Variants in PCDHA7 observed in about 807,000 individuals in gnomAD.
PCDHA7 encodes protocadherin alpha-7.
In PCDHA7, 37 loss-of-function variants were observed where a neutral mutation model predicts 57.2. The ratio of observed to expected loss-of-function variants is 0.65; its 90% CI spans 0.50 to 0.85. The LOEUF (loss-of-function observed/expected upper bound fraction) is 0.85. Ranked by LOEUF, PCDHA7 falls within the 40% of genes least tolerant of loss-of-function variation. The pLI, the probability that PCDHA7 is intolerant of heterozygous loss-of-function variation, is 0.00. For synonymous variants in PCDHA7, 553 were observed against 558.8 expected, an observed-to-expected ratio of 0.99 and a Z score of 0.15; for missense variants, 1,188 against 1,241.8, an observed-to-expected ratio of 0.96 and a Z score of 0.65.
In PCDHA7 at chr5:140,836,412, A is replaced by C; in HGVS notation, c.2029A>C (p.Lys677Gln). 2 of 1,613,792 alleles carry C rather than the reference A, an allele frequency of 1.2e-6. No homozygotes were observed. Among genetic ancestry groups the C allele is most frequent in the Non-Finnish European group, 8.5e-7 (1 of 1,179,850 alleles). Residue 677 changes from lysine (K) to glutamine (Q), a missense_variant, in exon 1 of 4, where the codon AAG becomes CAG. Lys to Gln is a moderately conservative substitution (Grantham distance 53). This residue lies in a region of PCDHA7 where 892 missense variants were observed against 788.5 expected (regional missense o/e 1.13). Transcript: ENST00000525929. ...VSLVESGQAPKASSRASLGIA... is the reference protein window; with the variant it reads ...VSLVESGQAPQASSRASLGIA... Reference sequence around the variant, plus strand: ...GCTGGTGGAAAGCGGCCAGGCACCAAAGGCGTCGTCGCGGGCATCGTTGGG... The same window carrying C: ...GCTGGTGGAAAGCGGCCAGGCACCACAGGCGTCGTCGCGGGCATCGTTGGG...
chr5:141,011,501 A>G lies in PCDHA7; in HGVS notation c.*1564A>G, dbSNP rs548038544. ...ATATTTCCTTTTGTACACCTGTGAA[A>G]AAGTGGAGTAGTGTTTTTTTAACCA... On this transcript the variant is annotated 3_prime_UTR_variant, in exon 4 of 4. Coordinates refer to ENST00000525929, the MANE Select transcript of PCDHA7 (RefSeq NM_018910.3). 1.3e-5 allele frequency: 2 copies of G among 153,894 alleles called. No individual in the cohort carries two copies. Among genetic ancestry groups the G allele is most frequent in the African/African-American group, 4.8e-5 (2 of 41,578 alleles). 9.5% of individuals were successfully genotyped at this position (153,894 alleles called of 1,614,324 possible).
chr5:140,870,206 T>G (rs1554163904), intron 1 of PCDHA7: 2 of 1,614,182 alleles, frequency 1.2e-6, no homozygotes, highest in Admixed American at 3.3e-5. Flanking sequence ...AGCACGGTCA[T>G]TGCCCTGATC....
chr5:140,867,619 C>T (rs1554161426), intron 1 of PCDHA7: 3 of 152,174 alleles, frequency 2.0e-5, no homozygotes, highest in South Asian at 4.1e-4. Flanking sequence ...AACTATAGAA[C>T]AAAATATTTA....
chr5:141,004,809 C>A (rs1319049687), intron 3 of PCDHA7, among the ~76,000 whole-genome samples: 1 of 152,144 alleles, frequency 6.6e-6, no homozygotes. Context: ...AGCTCAATTG[C>A]AGATTTGATT....
intron 1 of PCDHA7, among the ~76,000 whole-genome samples, chr5:140,913,340 C>G (rs1276320319): frequency 6.6e-6 from 1 of 152,024 alleles, no homozygotes; most frequent in African/African-American, 2.4e-5. Context: ...GGAATTTATC[C>G]ATTTCCTCTA....
chr5:140,949,880 A>G (rs1448161802), intron 1 of PCDHA7, among the ~76,000 whole-genome samples: 1 of 151,692 alleles, frequency 6.6e-6, no homozygotes, highest in African/African-American at 2.4e-5. Flanking sequence ...TTATTTGGGT[A>G]TTCCTCAGAA....
chr5:140,851,439 G>C (rs2042060539), intron 1 of PCDHA7: 1 of 927,140 alleles, frequency 1.1e-6, no homozygotes, highest in African/African-American at 1.8e-5. Flanking sequence ...GAAAACAGTT[G>C]CTCCACTTTA....
At chr5:140,924,464 G>A (rs1358240470) in intron 1 of PCDHA7, among the ~76,000 whole-genome samples, 1 of 152,196 alleles carries the variant, frequency 6.6e-6, no homozygotes, top group Non-Finnish European at 1.5e-5. Flanking sequence ...TGTTTAGGGA[G>A]GTAACTGGTT....
chr5:140,877,727 A>C, intron 1 of PCDHA7: 1 of 1,614,136 alleles, frequency 6.2e-7, no homozygotes, highest in South Asian at 1.1e-5. Flanking sequence ...TCTTACTCGC[A>C]GCAGAGGAGG....
At chr5:140,858,172 G>A (rs1554151243) in intron 1 of PCDHA7, 1 of 1,597,816 alleles carries the variant, frequency 6.3e-7, no homozygotes, top group South Asian at 1.1e-5. Context: ...TGTCCAGCTT[G>A]CTGGTGCTCA....
chr5:140,940,195 T>C (rs2092570084), intron 1 of PCDHA7, among the ~76,000 whole-genome samples: 1 of 152,220 alleles, frequency 6.6e-6, no homozygotes, highest in African/African-American at 2.4e-5. Flanking sequence ...TTTACATGGG[T>C]GTAAAATTCA....
At chr5:140,866,557 A>G (rs1554160392) in intron 1 of PCDHA7, 1 of 152,136 alleles carries the variant, frequency 6.6e-6, no homozygotes, top group Non-Finnish European at 1.5e-5. Context: ...TAAATCCTAT[A>G]ATTTTGTTAA....
At chr5:140,923,093 A>G (rs1372910044) in intron 1 of PCDHA7, among the ~76,000 whole-genome samples, 3 of 152,194 alleles carry the variant, frequency 2.0e-5, no homozygotes, top group Admixed American at 6.5e-5. Flanking sequence ...TATTTGACCA[A>G]TGGGAGTATG....
In PCDHA7 at chr5:140,871,640, A is replaced by T; in HGVS notation, c.2355+34902A>T. 6 of 1,294,228 alleles carry T rather than the reference A, an allele frequency of 4.6e-6. No homozygotes were observed. The South Asian group carries it at 9.7e-5, about 21-fold the overall frequency. 80.2% of individuals were successfully genotyped at this position (1,294,228 alleles called of 1,614,324 possible). A position where few individuals can be genotyped will look rare whatever the true frequency, so the allele number is the denominator to read the frequency against. On this transcript the variant is annotated intron_variant, in intron 1 of 3. Transcript: ENST00000525929. The stretch of plus-strand genomic sequence containing the variant: ...TTAGATAACAATGTCTGTTCATAAA[A>T]TACCAAATGATACACATCTTCAGTC...
At chr5:140,946,019 C>T (rs1014072062) in intron 1 of PCDHA7, among the ~76,000 whole-genome samples, 2 of 151,732 alleles carry the variant, frequency 1.3e-5, no homozygotes, top group African/African-American at 2.4e-5. Context: ...TCCTGCGCAG[C>T]AAAGAAAACA....
At chr5:140,918,848 G>T (rs2078891260) in intron 1 of PCDHA7, among the ~76,000 whole-genome samples, 1 of 152,134 alleles carries the variant, frequency 6.6e-6, no homozygotes, top group Admixed American at 6.5e-5. Flanking sequence ...TAAATCTGCT[G>T]GTGCCTGAAT....
chr5:140,858,013 G>T, intron 1 of PCDHA7: 1 of 1,596,968 alleles, frequency 6.3e-7, no homozygotes, highest in Middle Eastern at 1.7e-4. Context: ...ACCATGGCGA[G>T]CCGTCGCTGA....
At chr5:140,853,282 C>T in intron 1 of PCDHA7, 5 of 980,348 alleles carry the variant, frequency 5.1e-6, no homozygotes, top group Non-Finnish European at 6.1e-6. Flanking sequence ...TCATCATATG[C>T]AAATTCTCAG....
chr5:140,881,465 G>A, intron 1 of PCDHA7: 1 of 597,254 alleles, frequency 1.7e-6, no homozygotes, highest in Non-Finnish European at 2.1e-6. Flanking sequence ...TTAGAGCATT[G>A]TTGTGGCTAA....
Sources: allele counts gnomAD v4.1 joint callset (sites outside exome capture counted in the v4.1 genomes callset), GRCh38; gene constraint gnomAD v4.1.1; regional missense constraint gnomAD v4.1.1; transcripts MANE v1.5; gene names NCBI Gene and HGNC (gene_info 2026-07-23, HGNC 2026-07-21).